The following MALRD1 variants were observed in gnomAD, a reference collection of about 807,000 sequenced individuals.
MALRD1 encodes MAM and LDL-receptor class A domain-containing protein 1.
A neutral mutation model predicts 242.1 loss-of-function variants in MALRD1; 247 were observed. The observed-to-expected ratio is 1.02, with a 90% CI of 0.92 to 1.13. The LOEUF (loss-of-function observed/expected upper bound fraction) is 1.13. MALRD1 is among the 50% of genes most tolerant of loss of function. The pLI, the probability that MALRD1 is intolerant of heterozygous loss-of-function variation, is 0.00. For missense variants in MALRD1, 2,989 were observed against 2,533.1 expected, an observed-to-expected ratio of 1.18 and a Z score of -3.86; for synonymous variants, 995 against 866.6, an observed-to-expected ratio of 1.15 and a Z score of -2.60.
At chr10:19,592,586 A>C (rs1261247632) in intron 33 of MALRD1, among the ~76,000 whole-genome samples, 1 of 152,210 alleles carries the variant, frequency 6.6e-6, no homozygotes, top group African/African-American at 2.4e-5. Context: ...GACAAGCCCA[A>C]TGGCGACCTT....
At chr10:19,197,994 T>C (rs944707807) in intron 14 of MALRD1, among the ~76,000 whole-genome samples, 2 of 152,208 alleles carry the variant, frequency 1.3e-5, no homozygotes, top group Non-Finnish European at 2.9e-5. Flanking sequence ...CATGATTGCT[T>C]ACTTGCTTAT....
chr10:19,124,568 T>A lies in MALRD1; in HGVS notation c.841T>A (p.Ser281Thr). 2 of 1,233,778 alleles carry A rather than the reference T, an allele frequency of 1.6e-6. No individual in the cohort carries two copies. Among genetic ancestry groups the A allele is most frequent in the Non-Finnish European group, 2.0e-6 (2 of 988,120 alleles). 76.4% of individuals were successfully genotyped at this position (1,233,778 alleles called of 1,614,324 possible). A position where few individuals can be genotyped will look rare whatever the true frequency, so the allele number is the denominator to read the frequency against. ...GFEFDMCEWT[S>T]EASAGQISWM... ...TGAATTTGACATGTGTGAGTGGACG[T>A]CAGAAGCATCTGCTGGCCAAATTTC... The change falls in exon 7 of 40, where the codon TCA (serine) becomes ACA (threonine). Residue 281 changes from serine to threonine, a missense_variant. By Grantham distance (58) the Ser-to-Thr change is moderately conservative. Transcript: ENST00000454679.
At position 19,220,591 on chromosome 10, in the gene MALRD1, C is replaced by T. The variant is rs1837516126; in HGVS notation, c.2991+10911C>T. Among the ~76,000 whole-genome samples the T allele has an allele frequency of 7.9e-5, 12 of 152,188 alleles. No homozygotes were observed. In the South Asian group the frequency reaches 2.5e-3, roughly 32 times the overall value. ...TTTTTTAAATTAGCTACCATTACAACTAGCTTGAGAAGAACTTTCTTTTTA... is the reference window on the plus strand; with the variant it reads ...TTTTTTAAATTAGCTACCATTACAATTAGCTTGAGAAGAACTTTCTTTTTA... On this transcript the variant is annotated intron_variant, in intron 18 of 39. Coordinates refer to ENST00000454679, the MANE Select transcript of MALRD1 (RefSeq NM_001142308.3).
At chr10:19,529,587 G>T (rs552149022) in intron 31 of MALRD1, among the ~76,000 whole-genome samples, 6 of 151,456 alleles carry the variant, frequency 4.0e-5, no homozygotes, top group Admixed American at 3.3e-4. Context: ...TTAGAGTATT[G>T]AATACAAAAT....
chr10:19,595,104 T>C, intron 33 of MALRD1, 90 bp from the exon 34 acceptor site: 1 of 1,272,914 alleles, frequency 7.9e-7, no homozygotes, highest in Non-Finnish European at 1.1e-6. Flanking sequence ...ATTCATTTTA[T>C]ACAATAAGAA....
intron 18 of MALRD1, among the ~76,000 whole-genome samples, chr10:19,237,755 C>A (rs1427330686): frequency 1.1e-4 from 10 of 93,302 alleles, no homozygotes; most frequent in Non-Finnish European, 1.5e-4. Flanking sequence ...ATATATAAAA[C>A]CATAATTATA....
Position 19,475,936 on chromosome 10 carries a change from G to A in MALRD1, c.5030-15581G>A, listed in dbSNP as rs530304423. 5.3e-4 allele frequency among the ~76,000 whole-genome samples: 81 copies of A among 152,298 alleles called. 1 individual carries two copies. Among genetic ancestry groups the A allele is most frequent in the South Asian group, 5.0e-3 (24 of 4,826 alleles). Reference sequence around the variant, plus strand: ...TTGGGAAAGTTATATTTCCTTGAACGTGGGATTGTTTTCCTTTTATTACAC... The same window carrying A: ...TTGGGAAAGTTATATTTCCTTGAACATGGGATTGTTTTCCTTTTATTACAC... On this transcript the variant is annotated intron_variant, in intron 29 of 39. Transcript: ENST00000454679.
intron 25 of MALRD1, among the ~76,000 whole-genome samples, chr10:19,349,270 C>A (rs1399603929): frequency 6.6e-6 from 1 of 152,180 alleles, no homozygotes; most frequent in Non-Finnish European, 1.5e-5. Context: ...CCAACTTACA[C>A]TTCTCTGTGC....
chr10:19,422,005 G>A (rs1402459121), intron 28 of MALRD1, among the ~76,000 whole-genome samples: 1 of 152,178 alleles, frequency 6.6e-6, no homozygotes, highest in African/African-American at 2.4e-5. Context: ...AAAGAATAAT[G>A]AATGATCCCA....
At chr10:19,547,120 C>A (rs1250422616) in intron 32 of MALRD1, among the ~76,000 whole-genome samples, 1 of 152,126 alleles carries the variant, frequency 6.6e-6, no homozygotes, top group Non-Finnish European at 1.5e-5. Flanking sequence ...TTAAATGCTA[C>A]ATGGGTCATT....
At chr10:19,312,154 G>A (rs888448219) in intron 21 of MALRD1, among the ~76,000 whole-genome samples, 1 of 151,156 alleles carries the variant, frequency 6.6e-6, no homozygotes, top group African/African-American at 2.4e-5. Context: ...GAACTCTGGT[G>A]GCAAAACACA....
intron 36 of MALRD1, among the ~76,000 whole-genome samples, chr10:19,623,115 A>G (rs1207014883): frequency 6.6e-6 from 1 of 152,032 alleles, no homozygotes; most frequent in Non-Finnish European, 1.5e-5. Flanking sequence ...AATGACTCAA[A>G]TGCAATTGCA....
At chr10:19,574,870 A>G (rs2131485659) in intron 33 of MALRD1, among the ~76,000 whole-genome samples, 1 of 152,302 alleles carries the variant, frequency 6.6e-6, no homozygotes, top group African/African-American at 2.4e-5. Context: ...TAGGGCAGCG[A>G]GGTAAAAGTA....
intron 29 of MALRD1, among the ~76,000 whole-genome samples, chr10:19,463,828 C>T (rs1185584700): frequency 6.6e-6 from 1 of 152,100 alleles, no homozygotes; most frequent in African/African-American, 2.4e-5. Flanking sequence ...TTTACATTCC[C>T]ACCAGCAGTG....
chr10:19,510,059 G>A (rs961175378), intron 31 of MALRD1, among the ~76,000 whole-genome samples: 26 of 152,182 alleles, frequency 1.7e-4, no homozygotes, highest in African/African-American at 6.0e-4. Context: ...GAGAGGGTCA[G>A]CAGGAAAACG....
intron 18 of MALRD1, among the ~76,000 whole-genome samples, chr10:19,255,625 T>G (rs1279875323): frequency 6.6e-6 from 1 of 152,048 alleles, no homozygotes. Flanking sequence ...ACAATTTTAG[T>G]TTCTCAAATT....
At chr10:19,603,252 A>G (rs1399182759) in intron 34 of MALRD1, among the ~76,000 whole-genome samples, 5 of 152,094 alleles carry the variant, frequency 3.3e-5, no homozygotes, top group South Asian at 2.1e-4. Flanking sequence ...GGTGTTTTAG[A>G]CATGAAGTCC....
At chr10:19,253,064 C>G (rs910701223) in intron 18 of MALRD1, among the ~76,000 whole-genome samples, 1 of 151,904 alleles carries the variant, frequency 6.6e-6, no homozygotes, top group South Asian at 2.1e-4. Flanking sequence ...TTACTTAACA[C>G]CTTAGGTGTT....
chr10:19,051,246 A>T (rs896145621), intron 1 of MALRD1, among the ~76,000 whole-genome samples: 2 of 152,182 alleles, frequency 1.3e-5, no homozygotes, highest in African/African-American at 4.8e-5. Context: ...CTTATAGATT[A>T]GATTTTTTTA....
Sources: gnomAD v4.1 joint callset for allele counts (sites outside exome capture counted in the v4.1 genomes callset) on GRCh38, gnomAD v4.1.1 for gene constraint, MANE v1.5 for transcripts, NCBI Gene and HGNC (gene_info 2026-07-23, HGNC 2026-07-21) for gene names.